The following ITM2C variants were observed in gnomAD, a reference collection of about 807,000 sequenced individuals.
ITM2C encodes BRICHOS domain containing 2C.
ITM2C carries 20 observed loss-of-function variants against 30.0 expected under a neutral mutation model. That is an observed-to-expected ratio of 0.67 (90% CI 0.47 to 0.97). ITM2C has a LOEUF of 0.97. Among genes scored for constraint, ITM2C ranks in the 50% least tolerant of loss-of-function variants. The probability of loss-of-function intolerance (pLI) is 0.00; values close to 1 mark genes in which losing one functional copy is unlikely to be tolerated. For synonymous variants in ITM2C, 167 were observed against 156.4 expected (o/e 1.07, Z -0.51); for missense variants, 366 against 371.9 (o/e 0.98, Z 0.13).
chr2:230,868,493 A>ACACATGCACG (rs1271252668), intron 1 of ITM2C, among the ~76,000 whole-genome samples: 5 of 139,792 alleles, frequency 3.6e-5, no homozygotes, highest in Admixed American at 2.2e-4. Context: ...ACTTATGCAC[A>ACACATGCACG]CACATGCACG....
intron 1 of ITM2C, among the ~76,000 whole-genome samples, chr2:230,867,955 G>A (rs561121776): frequency 3.7e-4 from 56 of 152,272 alleles, no homozygotes; most frequent in African/African-American, 1.1e-3. Context: ...CACCACACCC[G>A]GCCCAAAACA....
chr2:230,870,164 C>G (rs1697128989), intron 1 of ITM2C, among the ~76,000 whole-genome samples: 1 of 152,218 alleles, frequency 6.6e-6, no homozygotes, highest in Non-Finnish European at 1.5e-5. Flanking sequence ...GTAAATACCC[C>G]GAGATCACAG....
chr2:230,874,723 G>A (rs1376819808), intron 2 of ITM2C, among the ~76,000 whole-genome samples: 2 of 152,224 alleles, frequency 1.3e-5, no homozygotes, highest in Non-Finnish European at 2.9e-5. Context: ...GAATCAAACA[G>A]ACGGTGGAAT....
At chr2:230,871,555 G>A (rs1480135218) in intron 1 of ITM2C, among the ~76,000 whole-genome samples, 3 of 152,228 alleles carry the variant, frequency 2.0e-5, no homozygotes, top group Admixed American at 6.5e-5. Flanking sequence ...TGGCTGCTGA[G>A]GAGATGACAG....
upstream of ITM2C, chr2:230,864,935 T>G: frequency 7.8e-7 from 1 of 1,280,852 alleles, no homozygotes; most frequent in Admixed American, 3.9e-5. This position sits in a 1 kb window ranked among gnomAD's most constrained non-coding sequence, Gnocchi z 4.3. Context: ...GGATCCAAAC[T>G]TCCGGTGCCT....
chr2:230,877,350 G>A lies in ITM2C; in HGVS notation c.562-50G>A. On this transcript the variant is annotated intron_variant, in intron 4 of 5. Coordinates refer to ENST00000326427, the MANE Select transcript of ITM2C (RefSeq NM_030926.6). This position sits in a 1 kb window ranked among gnomAD's most constrained non-coding sequence, Gnocchi z 4.8. ...GGCTGGCATTTCGGGCGAGGGGTTGGACGAAAGCCTGAGGGGCCGACTCAC... is the reference window on the plus strand; with the variant it reads ...GGCTGGCATTTCGGGCGAGGGGTTGAACGAAAGCCTGAGGGGCCGACTCAC... The A allele has an allele frequency of 6.3e-7, 1 of 1,599,802 alleles. No homozygotes were observed.
rs751773882 is a variant in ITM2C, at chr2:230,873,422, G to A, written c.126G>A (p.Glu42=). The A allele has an allele frequency of 6.3e-7, 1 of 1,578,816 alleles. No homozygotes were observed. Among genetic ancestry groups the A allele is most frequent in the South Asian group, 1.2e-5 (1 of 85,550 alleles). Residue 42 remains glutamate, a synonymous_variant, in exon 2 of 6, where the codon GAG becomes GAA. Coordinates refer to ENST00000326427, the MANE Select transcript of ITM2C (RefSeq NM_030926.6). ...CCCAGCATTGCTATCCACAGGAGGAGCAGCCCCCACAACATCGATCCAAGA... is the reference window on the plus strand; with the variant it reads ...CCCAGCATTGCTATCCACAGGAGGAACAGCCCCCACAACATCGATCCAAGA... ...TEILLTPARE[E]QPPQHRSKRG...
intron 1 of ITM2C, among the ~76,000 whole-genome samples, chr2:230,867,663 A>T (rs866103360): frequency 8.5e-4 from 56 of 65,880 alleles, no homozygotes; most frequent in African/African-American, 3.7e-3. Context: ...ATTTTATTTT[A>T]TTTTATTTTT....
At position 230,865,631 on chromosome 2, in the gene ITM2C, C is replaced by T. The variant is rs1427355477; in HGVS notation, c.120+486C>T. The T allele has an allele frequency of 2.0e-5, 3 of 152,878 alleles. No individual in the cohort carries two copies. The highest frequency in any genetic ancestry group is 7.2e-5 in the African/African-American group (3 of 41,394). 9.5% of individuals were successfully genotyped at this position (152,878 alleles called of 1,614,324 possible). ...GAATTGGGGGTGGGGGGGTCTGGTA[C>T]CAACGAAGAGGGTGGGGCCGTTGAT... is the stretch of plus-strand genomic sequence containing the variant. On this transcript the variant is annotated intron_variant, in intron 1 of 5. Coordinates refer to ENST00000326427, the MANE Select transcript of ITM2C (RefSeq NM_030926.6). The surrounding 1 kb of genome is among the most constrained non-coding windows in gnomAD (Gnocchi z 6.8).
At chr2:230,874,008 C>T (rs1413898218) in intron 2 of ITM2C, among the ~76,000 whole-genome samples, 4 of 152,224 alleles carry the variant, frequency 2.6e-5, no homozygotes, top group Admixed American at 2.6e-4. Context: ...CCACCTCCTT[C>T]CAGAAGCAGG....
At chr2:230,868,483 A>ACACACT (rs373546815) in intron 1 of ITM2C, among the ~76,000 whole-genome samples, 50 of 151,302 alleles carry the variant, frequency 3.3e-4, no homozygotes, top group East Asian at 2.9e-3. Flanking sequence ...ACACACACAC[A>ACACACT]CTTATGCACA....
intron 1 of ITM2C, among the ~76,000 whole-genome samples, chr2:230,866,015 G>A (rs972793698): frequency 6.7e-5 from 10 of 148,264 alleles, no homozygotes; most frequent in African/African-American, 2.3e-4. Flanking sequence ...CCCTCTGGCC[G>A]GGGGGGAGAG....
At chr2:230,866,256 G>C (rs895434930) in intron 1 of ITM2C, among the ~76,000 whole-genome samples, 1 of 152,234 alleles carries the variant, frequency 6.6e-6, no homozygotes, top group African/African-American at 2.4e-5. Context: ...GCAGGACTGA[G>C]AAAGTCTTTG....
rs1473136549 is a variant in ITM2C at position 230,877,939 on chromosome 2, C to T, written c.713-69C>T. On this transcript the variant is annotated intron_variant, in intron 5 of 5. Coordinates refer to ENST00000326427, the MANE Select transcript of ITM2C (RefSeq NM_030926.6). The surrounding 1 kb of genome is among the most constrained non-coding windows in gnomAD (Gnocchi z 4.8). ...CTTCCTGGCCCTCCTGTGGCTCAGGCTGAGGCTGGTGGTCTTTGTGACTCA... is the reference window on the plus strand; with the variant it reads ...CTTCCTGGCCCTCCTGTGGCTCAGGTTGAGGCTGGTGGTCTTTGTGACTCA... 2.3e-6 allele frequency: 3 copies of T among 1,283,186 alleles called. No homozygotes were observed. The African/African-American group carries it at 4.4e-5, about 19-fold the overall frequency. The allele number at this position is 1,283,186 out of a possible 1,614,324, so 79.5% of individuals were successfully genotyped here. A position where few individuals can be genotyped will look rare whatever the true frequency, so the allele number is the denominator to read the frequency against.
chr2:230,865,204 C>T lies in ITM2C; in HGVS notation c.120+59C>T, dbSNP rs983545004. 2 of 1,331,186 alleles carry T rather than the reference C, an allele frequency of 1.5e-6. No individual in the cohort carries two copies. The highest frequency in any genetic ancestry group is 3.0e-5 in the African/African-American group (2 of 65,752). The allele number at this position is 1,331,186 out of a possible 1,614,324, so 82.5% of individuals were successfully genotyped here. The stretch of plus-strand genomic sequence containing the variant: ...GGGACCCAGGCTCACGACCCAGGCG[C>T]GCCCCGTCGGCCCTGGGGACTGCCC... On this transcript the variant is annotated intron_variant, in intron 1 of 5. Transcript: ENST00000326427. The surrounding 1 kb of genome is among the most constrained non-coding windows in gnomAD (Gnocchi z 6.8).
chr2:230,873,642 A>C, intron 2 of ITM2C, 85 bp downstream of exon 2: 1 of 1,348,726 alleles, frequency 7.4e-7, no homozygotes, highest in Non-Finnish European at 1.0e-6. Context: ...GCAAGGGGGC[A>C]GCAGGAAGCC....
chr2:230,867,558 A>C (rs1391891087), intron 1 of ITM2C, among the ~76,000 whole-genome samples: 2 of 152,218 alleles, frequency 1.3e-5, no homozygotes, highest in Non-Finnish European at 2.9e-5. Context: ...TGCCCAGGAA[A>C]GCTTATTAAA....
chr2:230,868,157 CA>C (rs1697076096), intron 1 of ITM2C, among the ~76,000 whole-genome samples: 1 of 151,896 alleles, frequency 6.6e-6, no homozygotes, highest in South Asian at 2.1e-4. Context: ...AACTGCAACA[CA>C]AGGAGGATTT....
At position 230,865,482 on chromosome 2, in the gene ITM2C, TGGGG is replaced by T. The variant is rs1001233646; in HGVS notation, c.120+341_120+344del. The T allele has an allele frequency of 4.9e-6, 1 of 203,226 alleles. No individual in the cohort carries two copies. The highest frequency in any genetic ancestry group is 2.4e-5 in the African/African-American group (1 of 42,462). The allele number at this position is 203,226 out of a possible 1,614,324, so 12.6% of individuals were successfully genotyped here. On this transcript the variant is annotated intron_variant, in intron 1 of 5. Coordinates refer to ENST00000326427, the MANE Select transcript of ITM2C (RefSeq NM_030926.6). The surrounding 1 kb of genome is among the most constrained non-coding windows in gnomAD (Gnocchi z 6.8). ...TCCGAAGAAGTTCGAGGAATGTTGG[TGGGG>T]GGGTACGCGTCTGGTTCCAATCAAC...
Sources: gnomAD v4.1 joint callset for allele counts (sites outside exome capture counted in the v4.1 genomes callset) on GRCh38, gnomAD v4.1.1 for gene constraint, Gnocchi (gnomAD v3.1) non-coding constraint, MANE v1.5 for transcripts, NCBI Gene and HGNC (gene_info 2026-07-23, HGNC 2026-07-21) for gene names.